Variants in SRGAP1 observed in about 807,000 individuals in gnomAD.
SRGAP1 encodes SLIT-ROBO Rho GTPase-activating protein 1.
A neutral mutation model predicts 121.9 loss-of-function variants in SRGAP1; 43 were observed. The ratio of observed to expected loss-of-function variants is 0.35; its 90% CI spans 0.28 to 0.46. The LOEUF is 0.46. Ranked by LOEUF, SRGAP1 falls within the 20% of genes least tolerant of loss-of-function variation. The probability of loss-of-function intolerance (pLI) is 1.00; values close to 1 mark genes in which losing one functional copy is unlikely to be tolerated. For missense variants in SRGAP1, 1,102 were observed against 1,350.9 expected (o/e 0.82, Z 2.89); for synonymous variants, 447 against 485.4 (o/e 0.92, Z 1.04).
intron 8 of SRGAP1, among the ~76,000 whole-genome samples, chr12:64,072,102 C>CTT (rs2035647445): frequency 1.8e-5 from 1 of 54,876 alleles, no homozygotes; most frequent in African/African-American, 6.0e-5. Context: ...TTGACCCAAT[C>CTT]TCTCTCTGTG....
At chr12:64,003,478 G>GAAAAAAAAA (rs531819299) in intron 3 of SRGAP1, among the ~76,000 whole-genome samples, 1 of 42,732 alleles carries the variant, frequency 2.3e-5, no homozygotes, top group Non-Finnish European at 5.9e-5. Context: ...GGAAGTTTCA[G>GAAAAAAAAA]AAAAAAAAAA....
chr12:63,990,098 T>G (rs570877154), intron 3 of SRGAP1, 26 bp downstream of exon 3: 2 of 1,556,668 alleles, frequency 1.3e-6, no homozygotes, highest in Non-Finnish European at 1.7e-6. Flanking sequence ...CCTGCCATAG[T>G]GTGCTTTCCA....
intron 16 of SRGAP1, among the ~76,000 whole-genome samples, chr12:64,110,603 C>T (rs1402266380): frequency 2.0e-5 from 3 of 152,146 alleles, no homozygotes; most frequent in Non-Finnish European, 2.9e-5. Context: ...GCACTAAAGA[C>T]CCAGAAAGAT....
chr12:64,120,091 A>G (rs1389320561), intron 18 of SRGAP1, among the ~76,000 whole-genome samples: 1 of 151,972 alleles, frequency 6.6e-6, no homozygotes, highest in Non-Finnish European at 1.5e-5. Flanking sequence ...ATTTCTTTCT[A>G]CAAGTTGTAT....
At chr12:64,108,233 G>A (rs1217197486) in intron 15 of SRGAP1, among the ~76,000 whole-genome samples, 1 of 152,162 alleles carries the variant, frequency 6.6e-6, no homozygotes, top group African/African-American at 2.4e-5. Flanking sequence ...TAGACAGTTT[G>A]TATTCCTGGT....
At chr12:64,006,749 A>ATT (rs2034095291) in intron 3 of SRGAP1, among the ~76,000 whole-genome samples, 1 of 152,100 alleles carries the variant, frequency 6.6e-6, no homozygotes, top group South Asian at 2.1e-4. Context: ...AGTTCTTATT[A>ATT]TTGTCAACCA....
At chr12:63,861,832 T>A (rs1223354260) in intron 1 of SRGAP1, among the ~76,000 whole-genome samples, 1 of 151,936 alleles carries the variant, frequency 6.6e-6, no homozygotes, top group Non-Finnish European at 1.5e-5. Flanking sequence ...ATAAAAAATT[T>A]AAAAATTGGC....
chr12:64,062,938 G>A lies in SRGAP1; in HGVS notation c.823G>A (p.Ala275Thr), dbSNP rs797044990. ...TAAGTGCTGTGATCTTGGCTACCATGCAAGTCTGAACAGAGCCCTAAGAAC... is the reference window on the plus strand; with the variant it reads ...TAAGTGCTGTGATCTTGGCTACCATACAAGTCTGAACAGAGCCCTAAGAAC... The part of the protein sequence containing the change: ...LIDCCDLGYH[A>T]SLNRALRTYL... The change falls in exon 7 of 22, where the codon GCA becomes ACA. Residue 275 changes from alanine to threonine, a missense_variant. Ala to Thr is a moderately conservative substitution (Grantham distance 58). Coordinates refer to ENST00000355086, the MANE Select transcript of SRGAP1 (RefSeq NM_020762.4). 11 of 1,612,550 alleles carry A rather than the reference G, an allele frequency of 6.8e-6. No homozygotes were observed. The highest frequency in any genetic ancestry group is 8.5e-6 in the Non-Finnish European group (10 of 1,179,248).
At chr12:63,905,842 G>A (rs1328468878) in intron 1 of SRGAP1, among the ~76,000 whole-genome samples, 1 of 152,178 alleles carries the variant, frequency 6.6e-6, no homozygotes. Flanking sequence ...GAGTCATCAG[G>A]ATGGTGTGCT....
chr12:63,942,219 A>G (rs1028726314), intron 1 of SRGAP1, among the ~76,000 whole-genome samples: 1 of 152,184 alleles, frequency 6.6e-6, no homozygotes, highest in Non-Finnish European at 1.5e-5. Flanking sequence ...ATGGTCATTT[A>G]TACTCTAAGA....
intron 18 of SRGAP1, among the ~76,000 whole-genome samples, chr12:64,116,246 ACCTCATCTC>A: frequency 7.4e-6 from 1 of 134,336 alleles, no homozygotes; most frequent in Non-Finnish European, 1.6e-5. Flanking sequence ...AACAGAACAG[ACCTCATCTC>A]AAAAAAAAAA....
chr12:64,080,649 A>G, intron 10 of SRGAP1: 1 of 478,900 alleles, frequency 2.1e-6, no homozygotes, highest in Non-Finnish European at 3.8e-6. Context: ...GGTGCTCCTG[A>G]TCGTAGAAAA....
chr12:63,946,694 C>A (rs1264573362), intron 1 of SRGAP1, among the ~76,000 whole-genome samples: 1 of 152,044 alleles, frequency 6.6e-6, no homozygotes, highest in South Asian at 2.1e-4. Context: ...CAGGCATGCA[C>A]CACCATGCCC....
chr12:64,075,053 T>C (rs2035709872), intron 8 of SRGAP1, among the ~76,000 whole-genome samples: 1 of 151,912 alleles, frequency 6.6e-6, no homozygotes, highest in Non-Finnish European at 1.5e-5. Context: ...CCAGCGGCGC[T>C]AGAGAAATTA....
chr12:64,074,781 A>AT (rs2035704053), intron 8 of SRGAP1, among the ~76,000 whole-genome samples: 1 of 152,162 alleles, frequency 6.6e-6, no homozygotes, highest in Non-Finnish European at 1.5e-5. Context: ...AAAGGCTTCC[A>AT]TTTTTTAAAA....
intron 3 of SRGAP1, among the ~76,000 whole-genome samples, chr12:64,014,420 A>C (rs1701158350): frequency 6.6e-6 from 1 of 152,210 alleles, no homozygotes; most frequent in South Asian, 2.1e-4. Context: ...ACTTGTCAGC[A>C]CATGGACACA....
At position 63,948,978 on chromosome 12, in the gene SRGAP1, A is replaced by G. The variant is rs59976651; in HGVS notation, c.68-34969A>G. On this transcript the variant is annotated intron_variant, in intron 1 of 21. Transcript: ENST00000355086. ...TTCCATATATATATTTTCCATATAT[A>G]TATATTCCATATATGTATTTTCCAT... 2.0e-3 allele frequency among the ~76,000 whole-genome samples: 261 copies of G among 131,064 alleles called. 84 individuals are homozygous for G. The highest frequency in any genetic ancestry group is 5.2e-3 in the East Asian group (23 of 4,420). 86.0% of individuals were successfully genotyped at this position (131,064 alleles called of 152,430 possible).
At chr12:63,966,069 C>T (rs534794521) in intron 1 of SRGAP1, among the ~76,000 whole-genome samples, 50 of 152,322 alleles carry the variant, frequency 3.3e-4, no homozygotes, top group African/African-American at 1.1e-3. Context: ...ATCCGCCTGC[C>T]TTGGCCTCCC....
chr12:64,068,272 C>CA (rs765189176), intron 8 of SRGAP1, among the ~76,000 whole-genome samples: 2,801 of 55,998 alleles, frequency 0.05, 136 homozygotes, highest in African/African-American at 0.073. Flanking sequence ...AACTCTGTCT[C>CA]AAAAAAAAAA....
Sources: gnomAD v4.1 joint callset for allele counts (sites outside exome capture counted in the v4.1 genomes callset) on GRCh38, gnomAD v4.1.1 for gene constraint, MANE v1.5 for transcripts, NCBI Gene and HGNC (gene_info 2026-07-23, HGNC 2026-07-21) for gene names.